SLC9A9: variants seen among roughly 807,000 people sequenced by gnomAD.
SLC9A9 encodes the protein sodium/hydrogen exchanger 9.
Under a neutral mutation model 77.8 loss-of-function variants are expected in SLC9A9, and 62 were observed. The ratio of observed to expected loss-of-function variants is 0.80; its 90% CI spans 0.65 to 0.98. The LOEUF (loss-of-function observed/expected upper bound fraction) is 0.98. Among genes scored for constraint, SLC9A9 ranks in the 50% least tolerant of loss-of-function variants. The pLI is 0.00. For missense variants in SLC9A9, 775 were observed against 774.9 expected (o/e 1.00, Z 0.00); for synonymous variants, 320 against 283.5 (o/e 1.13, Z -1.29).
At chr3:143,700,920 T>C (rs539919471) in intron 4 of SLC9A9, among the ~76,000 whole-genome samples, 3 of 152,326 alleles carry the variant, frequency 2.0e-5, no homozygotes, top group South Asian at 4.1e-4. Flanking sequence ...GGGGTACTTG[T>C]TTCACCTCAA....
At chr3:143,466,241 GA>G (rs2035278338) in intron 12 of SLC9A9, among the ~76,000 whole-genome samples, 1 of 152,182 alleles carries the variant, frequency 6.6e-6, no homozygotes, top group Admixed American at 6.5e-5. Context: ...GGGACTGCAT[GA>G]TCATCAAAAT....
intron 6 of SLC9A9, among the ~76,000 whole-genome samples, chr3:143,645,290 A>G (rs550083147): frequency 2.0e-5 from 3 of 152,328 alleles, no homozygotes; most frequent in African/African-American, 7.2e-5. Flanking sequence ...ACCAAGAGAA[A>G]AAATGGAATT....
chr3:143,687,022 A>G (rs1933294311), intron 5 of SLC9A9, among the ~76,000 whole-genome samples: 1 of 151,904 alleles, frequency 6.6e-6, no homozygotes, highest in Non-Finnish European at 1.5e-5. Context: ...TCTGCCTTTC[A>G]CTGTCCACTT....
At chr3:143,520,994 G>A (rs2036289976) in intron 9 of SLC9A9, among the ~76,000 whole-genome samples, 1 of 152,126 alleles carries the variant, frequency 6.6e-6, no homozygotes. Flanking sequence ...ACAGTCATAT[G>A]TCAAATGGCA....
At position 143,627,230 on chromosome 3, in the gene SLC9A9, G is replaced by A. The variant is rs114943462; in HGVS notation, c.755+25025C>T. 2.7e-3 allele frequency: 410 copies of A among 154,114 alleles called. 3 individuals are homozygous for A. The highest frequency in any genetic ancestry group is 9.0e-3 in the African/African-American group (375 of 41,584). 9.5% of individuals were successfully genotyped at this position (154,114 alleles called of 1,614,324 possible). A position where few individuals can be genotyped will look rare whatever the true frequency, so the allele number is the denominator to read the frequency against. On this transcript the variant is annotated intron_variant, in intron 6 of 15. Transcript: ENST00000316549. ...TGGGATTTCTTGAAGGCTATTGCAC[G>A]TGTTTTTGAGAGAAGTTATTGTGAA...
At chr3:143,324,817 T>C (rs1028972082) in intron 14 of SLC9A9, among the ~76,000 whole-genome samples, 2 of 152,024 alleles carry the variant, frequency 1.3e-5, no homozygotes, top group African/African-American at 2.4e-5. Flanking sequence ...GGAAACCCTG[T>C]TTTTTAAAAA....
Position 143,749,593 on chromosome 3 carries a change from A to G in SLC9A9, c.533+45408T>C, listed in dbSNP as rs367999720. On this transcript the variant is annotated intron_variant, in intron 4 of 15. Transcript: ENST00000316549. ...CATTCATAAACTTCAGTACTCCATC[A>G]GTACCACATCGTTTTGTCATATGTT... Among the ~76,000 whole-genome samples, 38 of 152,376 alleles carry G rather than the reference A, an allele frequency of 2.5e-4. No homozygotes were observed. The East Asian group carries it at 5.0e-3, about 20-fold the overall frequency.
At chr3:143,273,473 T>C (rs1439034691) in intron 14 of SLC9A9, among the ~76,000 whole-genome samples, 1 of 152,132 alleles carries the variant, frequency 6.6e-6, no homozygotes, top group African/African-American at 2.4e-5. Flanking sequence ...TGTGAGACCA[T>C]AGCAAGAAGG....
intron 2 of SLC9A9, among the ~76,000 whole-genome samples, chr3:143,817,665 A>G (rs1300238892): frequency 1.3e-5 from 2 of 152,182 alleles, no homozygotes; most frequent in African/African-American, 4.8e-5. Context: ...CCATATTGAT[A>G]GCCAATTGTC....
chr3:143,414,091 T>C (rs895730944), intron 12 of SLC9A9, among the ~76,000 whole-genome samples: 23 of 152,228 alleles, frequency 1.5e-4, no homozygotes, highest in Admixed American at 1.1e-3. Flanking sequence ...GATTTTTTCT[T>C]GTCAGCTTTC....
intron 14 of SLC9A9, among the ~76,000 whole-genome samples, chr3:143,274,382 A>G (rs1167973042): frequency 6.6e-6 from 1 of 152,202 alleles, no homozygotes; most frequent in African/African-American, 2.4e-5. Flanking sequence ...ATCTGTAAAC[A>G]GATGGCTTTT....
chr3:143,363,018 C>T (rs1055111486), intron 14 of SLC9A9, among the ~76,000 whole-genome samples: 2 of 152,008 alleles, frequency 1.3e-5, no homozygotes, highest in Admixed American at 1.3e-4. Flanking sequence ...GTTCCCTGTC[C>T]CCACCCCTTC....
At chr3:143,743,205 AGATGGATG>A (rs34152223) in intron 4 of SLC9A9, among the ~76,000 whole-genome samples, 218 of 140,074 alleles carry the variant, frequency 1.6e-3, no homozygotes, top group African/African-American at 5.4e-3. Context: ...ATAGATGGAT[AGATGGATG>A]GATGGATGGA....
At chr3:143,844,441 T>C (rs1446876081) in intron 1 of SLC9A9, among the ~76,000 whole-genome samples, 3 of 152,168 alleles carry the variant, frequency 2.0e-5, no homozygotes, top group Non-Finnish European at 4.4e-5. Flanking sequence ...TGAAGTATTA[T>C]AGGAAATTTG....
At chr3:143,773,187 G>T (rs559568477) in intron 4 of SLC9A9, among the ~76,000 whole-genome samples, 1 of 152,024 alleles carries the variant, frequency 6.6e-6, no homozygotes, top group African/African-American at 2.4e-5. Flanking sequence ...GTGGCTTTTT[G>T]GGGGGAAAAG....
At chr3:143,308,078 G>GACCAC (rs2030870890) in intron 14 of SLC9A9, among the ~76,000 whole-genome samples, 4 of 152,156 alleles carry the variant, frequency 2.6e-5, no homozygotes, top group African/African-American at 9.7e-5. Context: ...AACCACTATG[G>GACCAC]TAGCTGAGCA....
At chr3:143,390,813 T>C (rs1006298423) in intron 12 of SLC9A9, among the ~76,000 whole-genome samples, 1 of 152,340 alleles carries the variant, frequency 6.6e-6, no homozygotes, top group African/African-American at 2.4e-5. Context: ...ATCCTGGGCC[T>C]GGCTCAGAGG....
intron 6 of SLC9A9, among the ~76,000 whole-genome samples, chr3:143,636,833 ACAAG>A (rs2038531294): frequency 6.6e-6 from 1 of 152,128 alleles, no homozygotes; most frequent in African/African-American, 2.4e-5. Context: ...AAACCTACAA[ACAAG>A]CAGCATTTGA....
chr3:143,547,058 C>T (rs895375878), intron 9 of SLC9A9, among the ~76,000 whole-genome samples: 1 of 152,274 alleles, frequency 6.6e-6, no homozygotes, highest in African/African-American at 2.4e-5. Context: ...TCATTATGCT[C>T]CTTGAGACAC....
Sources: gnomAD v4.1 joint callset for allele counts (sites outside exome capture counted in the v4.1 genomes callset) on GRCh38, gnomAD v4.1.1 for gene constraint, MANE v1.5 for transcripts, NCBI Gene and HGNC (gene_info 2026-07-23, HGNC 2026-07-21) for gene names.